The following ZDHHC14 variants were observed in gnomAD, a reference collection of about 807,000 sequenced individuals.
ZDHHC14 encodes the protein palmitoyltransferase ZDHHC14.
ZDHHC14 carries 16 observed loss-of-function variants against 47.7 expected under a neutral mutation model. That is an observed-to-expected ratio of 0.34 (90% CI 0.23 to 0.51). The LOEUF (loss-of-function observed/expected upper bound fraction) is 0.51. Ranked by LOEUF, ZDHHC14 falls within the 20% of genes least tolerant of loss-of-function variation. The pLI, the probability that ZDHHC14 is intolerant of heterozygous loss-of-function variation, is 0.97. For missense variants in ZDHHC14, 515 were observed against 662.5 expected, an observed-to-expected ratio of 0.78 and a Z score of 2.44; for synonymous variants, 293 against 278.9, an observed-to-expected ratio of 1.05 and a Z score of -0.50.
intron 1 of ZDHHC14, among the ~76,000 whole-genome samples, chr6:157,428,460 C>A (rs189696481): frequency 9.5e-4 from 144 of 152,018 alleles, no homozygotes; most frequent in Admixed American, 2.5e-3. Context: ...AGTAAAAATT[C>A]CCATTAAAAA....
intron 1 of ZDHHC14, among the ~76,000 whole-genome samples, chr6:157,405,086 AT>A (rs201109908): frequency 6.6e-6 from 1 of 152,090 alleles, no homozygotes; most frequent in Non-Finnish European, 1.5e-5. Flanking sequence ...CGTTTTATTT[AT>A]TTTTTTCTGC....
intron 8 of ZDHHC14, among the ~76,000 whole-genome samples, chr6:157,664,096 C>G (rs1778453097): frequency 6.6e-6 from 1 of 152,138 alleles, no homozygotes; most frequent in Non-Finnish European, 1.5e-5. Context: ...TTATCCTTAC[C>G]CACGCTCCCC....
chr6:157,604,811 T>C (rs1041367688), intron 3 of ZDHHC14, among the ~76,000 whole-genome samples: 2 of 152,236 alleles, frequency 1.3e-5, no homozygotes, highest in African/African-American at 2.4e-5. Flanking sequence ...CCCAAAATGC[T>C]GGGATTACAG....
At chr6:157,624,326 GA>G (rs1785317492) in intron 3 of ZDHHC14, among the ~76,000 whole-genome samples, 1 of 152,212 alleles carries the variant, frequency 6.6e-6, no homozygotes, top group Non-Finnish European at 1.5e-5. Flanking sequence ...GCCACCATGT[GA>G]GGTCTCCCTG....
intron 2 of ZDHHC14, among the ~76,000 whole-genome samples, chr6:157,581,401 T>C (rs1333914475): frequency 6.6e-6 from 1 of 152,110 alleles, no homozygotes; most frequent in South Asian, 2.1e-4. Context: ...TTCTCTTGTT[T>C]TGGGGTAGAG....
intron 8 of ZDHHC14, among the ~76,000 whole-genome samples, chr6:157,655,803 C>G (rs1778060078): frequency 6.6e-6 from 1 of 152,208 alleles, no homozygotes; most frequent in Non-Finnish European, 1.5e-5. Flanking sequence ...ATGTCCTTGT[C>G]AAAACCAGTG....
intron 3 of ZDHHC14, among the ~76,000 whole-genome samples, chr6:157,599,007 T>TAA (rs1458924747): frequency 6.6e-6 from 1 of 152,262 alleles, no homozygotes; most frequent in African/African-American, 2.4e-5. Context: ...AAAACTTTTA[T>TAA]AAATCTTTGT....
At chr6:157,480,242 TG>T (rs1389674124) in intron 1 of ZDHHC14, among the ~76,000 whole-genome samples, 2 of 151,308 alleles carry the variant, frequency 1.3e-5, no homozygotes, top group African/African-American at 4.8e-5. Context: ...AGGTTTTTTT[TG>T]TTGTTGTTGT....
intron 2 of ZDHHC14, among the ~76,000 whole-genome samples, chr6:157,559,498 G>A (rs1303395978): frequency 6.6e-6 from 1 of 152,232 alleles, no homozygotes; most frequent in Non-Finnish European, 1.5e-5. Flanking sequence ...CTGCATGAGT[G>A]GAAAGAATCC....
intron 1 of ZDHHC14, among the ~76,000 whole-genome samples, chr6:157,495,516 C>A (rs1046856494): frequency 1.1e-4 from 16 of 151,872 alleles, no homozygotes; most frequent in Non-Finnish European, 2.4e-4. Flanking sequence ...CATCAGAGAC[C>A]CCAGAAGCAG....
At chr6:157,620,240 G>T (rs952416409) in intron 3 of ZDHHC14, among the ~76,000 whole-genome samples, 2 of 152,174 alleles carry the variant, frequency 1.3e-5, no homozygotes, top group Admixed American at 1.3e-4. Context: ...AGAGTCTCAA[G>T]GTGGCCCAAC....
intron 1 of ZDHHC14, among the ~76,000 whole-genome samples, chr6:157,464,064 G>C (rs1299628770): frequency 2.0e-5 from 3 of 152,112 alleles, no homozygotes; most frequent in East Asian, 1.9e-4. Context: ...CACTAATGAT[G>C]AAACTTTTAA....
chr6:157,561,997 G>A (rs761084262), intron 2 of ZDHHC14, among the ~76,000 whole-genome samples: 1 of 152,146 alleles, frequency 6.6e-6, no homozygotes, highest in Non-Finnish European at 1.5e-5. Flanking sequence ...TGAGGTTTTT[G>A]TGGGTTCAGT....
At chr6:157,574,986 G>T (rs985248066) in intron 2 of ZDHHC14, among the ~76,000 whole-genome samples, 1 of 152,222 alleles carries the variant, frequency 6.6e-6, no homozygotes, top group East Asian at 1.9e-4. Context: ...GGAAGAGGCG[G>T]GTTTATTTTA....
At chr6:157,610,348 C>T (rs925961100) in intron 3 of ZDHHC14, among the ~76,000 whole-genome samples, 1 of 152,154 alleles carries the variant, frequency 6.6e-6, no homozygotes, top group Non-Finnish European at 1.5e-5. Context: ...AGGAGAATAG[C>T]GTGAACCCGG....
intron 2 of ZDHHC14, among the ~76,000 whole-genome samples, chr6:157,555,750 C>T (rs1782431652): frequency 6.6e-6 from 1 of 152,148 alleles, no homozygotes; most frequent in African/African-American, 2.4e-5. Flanking sequence ...GGGCCCCGCA[C>T]CCCCACCCCT....
intron 1 of ZDHHC14, among the ~76,000 whole-genome samples, chr6:157,454,781 A>AT (rs1486334149): frequency 2.6e-5 from 4 of 152,206 alleles, no homozygotes; most frequent in African/African-American, 9.6e-5. Flanking sequence ...AGTTTCTGCC[A>AT]TGTTAATGGA....
intron 1 of ZDHHC14, among the ~76,000 whole-genome samples, chr6:157,522,972 T>TTCC (rs1562461052): frequency 1.6e-4 from 6 of 36,922 alleles, no homozygotes; most frequent in African/African-American, 9.6e-4. Flanking sequence ...TTTCTTTTCT[T>TTCC]TTCTTTTCTT....
At chr6:157,504,538 C>T (rs566158979) in intron 1 of ZDHHC14, among the ~76,000 whole-genome samples, 4,281 of 93,474 alleles carry the variant, frequency 0.046, 81 homozygotes, top group Non-Finnish European at 0.065. Flanking sequence ...CTGCAGCCTC[C>T]GGCTCCTGGG....
Sources: gnomAD v4.1 joint callset for allele counts (sites outside exome capture counted in the v4.1 genomes callset) on GRCh38, gnomAD v4.1.1 for gene constraint, MANE v1.5 for transcripts, NCBI Gene and HGNC (gene_info 2026-07-23, HGNC 2026-07-21) for gene names.